Variants in LRRC4C observed in about 807,000 individuals in gnomAD.
LRRC4C encodes leucine rich repeat containing 4C.
In LRRC4C, 5 loss-of-function variants were observed where a neutral mutation model predicts 33.6. That is an observed-to-expected ratio of 0.15 (90% CI 0.08 to 0.31). LRRC4C has a LOEUF of 0.31. LRRC4C is among the 10% of genes least tolerant of loss of function. The pLI, the probability that LRRC4C is intolerant of heterozygous loss-of-function variation, is 1.00. For synonymous variants in LRRC4C, 329 were observed against 302.0 expected, an observed-to-expected ratio of 1.09 and a Z score of -0.93; for missense variants, 560 against 796.7, an observed-to-expected ratio of 0.70 and a Z score of 3.58.
chr11:40,582,449 T>C (rs541555307), intron 3 of LRRC4C, among the ~76,000 whole-genome samples: 43 of 151,764 alleles, frequency 2.8e-4, no homozygotes, highest in Non-Finnish European at 3.7e-4. Context: ...GTCTTTAAAA[T>C]TCATTTTAAT....
chr11:40,541,605 G>C (rs941710771), intron 3 of LRRC4C, among the ~76,000 whole-genome samples: 3 of 152,098 alleles, frequency 2.0e-5, no homozygotes, highest in East Asian at 1.9e-4. Flanking sequence ...GCAATAAAAG[G>C]CTAGCTAGTT....
chr11:41,124,029 C>T (rs1357378267), intron 1 of LRRC4C, among the ~76,000 whole-genome samples: 1 of 152,154 alleles, frequency 6.6e-6, no homozygotes, highest in Non-Finnish European at 1.5e-5. Flanking sequence ...TCACTGGTTT[C>T]TGCACAGTTT....
chr11:40,262,462 C>G (rs1590852706), intron 4 of LRRC4C, among the ~76,000 whole-genome samples: 1 of 152,064 alleles, frequency 6.6e-6, no homozygotes, highest in Non-Finnish European at 1.5e-5. Context: ...TACCATTTGA[C>G]CCAGTAATCC....
intron 1 of LRRC4C, among the ~76,000 whole-genome samples, chr11:41,145,077 A>G (rs972166374): frequency 6.6e-6 from 1 of 152,202 alleles, no homozygotes; most frequent in Non-Finnish European, 1.5e-5. Context: ...AAAAATAAGC[A>G]TACGTAATAC....
intron 1 of LRRC4C, among the ~76,000 whole-genome samples, chr11:41,096,219 AT>A (rs1465331836): frequency 2.6e-5 from 4 of 152,182 alleles, no homozygotes; most frequent in African/African-American, 9.6e-5. Context: ...CATAAATTAG[AT>A]TATTAACATT....
intron 3 of LRRC4C, among the ~76,000 whole-genome samples, chr11:40,360,999 G>C (rs532989943): frequency 1.3e-5 from 2 of 152,140 alleles, no homozygotes; most frequent in South Asian, 4.1e-4. Context: ...TAAAAATCAC[G>C]GGATTATCTC....
chr11:40,604,452 A>G (rs554371783), intron 3 of LRRC4C, among the ~76,000 whole-genome samples: 55 of 152,228 alleles, frequency 3.6e-4, no homozygotes, highest in South Asian at 1.7e-3. Context: ...CTTGTATTTT[A>G]TGATCTCTAA....
At chr11:41,367,507 G>T (rs1952588074) in intron 1 of LRRC4C, among the ~76,000 whole-genome samples, 1 of 152,146 alleles carries the variant, frequency 6.6e-6, no homozygotes, top group Non-Finnish European at 1.5e-5. Context: ...TTTTGAACCA[G>T]ATGCACATAA....
chr11:41,385,129 A>G (rs1953307040), intron 1 of LRRC4C, among the ~76,000 whole-genome samples: 1 of 151,224 alleles, frequency 6.6e-6, no homozygotes, highest in South Asian at 2.1e-4. Flanking sequence ...AATGTCAGAG[A>G]ACTACAAAGA....
At chr11:41,140,078 G>T (rs966317935) in intron 1 of LRRC4C, among the ~76,000 whole-genome samples, 2 of 152,140 alleles carry the variant, frequency 1.3e-5, no homozygotes, top group African/African-American at 4.8e-5. Flanking sequence ...TGTGATGCCA[G>T]GCATATTGTT....
chr11:40,981,655 G>C (rs1001631891), intron 1 of LRRC4C, among the ~76,000 whole-genome samples: 7 of 152,154 alleles, frequency 4.6e-5, no homozygotes, highest in African/African-American at 1.4e-4. Context: ...CCATCATTTA[G>C]AGATCATTCC....
chr11:40,433,167 C>A (rs2137875773), intron 3 of LRRC4C, among the ~76,000 whole-genome samples: 1 of 152,212 alleles, frequency 6.6e-6, no homozygotes. Flanking sequence ...ATGCAAATAG[C>A]ATTTAGGTTA....
At chr11:40,692,005 A>G (rs1254780766) in intron 2 of LRRC4C, among the ~76,000 whole-genome samples, 1 of 152,066 alleles carries the variant, frequency 6.6e-6, no homozygotes, top group Non-Finnish European at 1.5e-5. Flanking sequence ...TGAAGTGACC[A>G]GACCTTTTTC....
At chr11:40,252,316 C>A (rs1226508205) in intron 4 of LRRC4C, among the ~76,000 whole-genome samples, 2 of 151,900 alleles carry the variant, frequency 1.3e-5, no homozygotes. Flanking sequence ...CACACACACA[C>A]AACCCTAACA....
At chr11:40,722,734 C>T (rs539486101) in intron 2 of LRRC4C, among the ~76,000 whole-genome samples, 4 of 152,272 alleles carry the variant, frequency 2.6e-5, no homozygotes, top group South Asian at 4.2e-4. Flanking sequence ...CACACTAGCT[C>T]CCTAGCAATG....
chr11:40,965,614 A>G (rs1463095416), intron 1 of LRRC4C, among the ~76,000 whole-genome samples: 1 of 152,120 alleles, frequency 6.6e-6, no homozygotes, highest in Admixed American at 6.6e-5. Flanking sequence ...AGCACCATTT[A>G]TTAAATAGGG....
At chr11:40,397,079 A>G (rs930003736) in intron 3 of LRRC4C, among the ~76,000 whole-genome samples, 1 of 152,084 alleles carries the variant, frequency 6.6e-6, no homozygotes, top group Non-Finnish European at 1.5e-5. Context: ...CCTTGCTTTT[A>G]TTTTAGATTA....
intron 3 of LRRC4C, among the ~76,000 whole-genome samples, chr11:40,575,113 A>C (rs1046719135): frequency 6.6e-6 from 1 of 152,148 alleles, no homozygotes; most frequent in African/African-American, 2.4e-5. Context: ...TGGAATCATC[A>C]CTTACCAGTA....
intron 1 of LRRC4C, among the ~76,000 whole-genome samples, chr11:41,175,411 C>A (rs1565451788): frequency 6.6e-6 from 1 of 152,004 alleles, no homozygotes; most frequent in Non-Finnish European, 1.5e-5. Context: ...TTCATGCAAA[C>A]TACATGTCTA....
Sources: allele counts gnomAD v4.1 joint callset (sites outside exome capture counted in the v4.1 genomes callset), GRCh38; gene constraint gnomAD v4.1.1; transcripts MANE v1.5; gene names NCBI Gene and HGNC (gene_info 2026-07-23, HGNC 2026-07-21).